The following LUZP2 variants were observed in gnomAD, a reference collection of about 807,000 sequenced individuals.
LUZP2 encodes leucine zipper protein 2.
In LUZP2, 52 loss-of-function variants were observed where a neutral mutation model predicts 51.6. The observed-to-expected ratio is 1.01, with a 90% CI of 0.81 to 1.27. The LOEUF is 1.27. Among genes scored for constraint, LUZP2 ranks in the 50% most tolerant of loss-of-function variants. LUZP2 has a pLI of 0.00. For synonymous variants in LUZP2, 154 were observed against 137.3 expected, an observed-to-expected ratio of 1.12 and a Z score of -0.85; for missense variants, 436 against 395.4, an observed-to-expected ratio of 1.10 and a Z score of -0.87.
chr11:24,713,683 G>T (rs1471619550), intron 1 of LUZP2, among the ~76,000 whole-genome samples: 44 of 89,674 alleles, frequency 4.9e-4, no homozygotes, highest in African/African-American at 6.9e-4. Flanking sequence ...GTGAGAATCT[G>T]TTTTTTTTTT....
At chr11:24,947,316 G>A (rs956298947) in intron 7 of LUZP2, among the ~76,000 whole-genome samples, 16 of 151,904 alleles carry the variant, frequency 1.1e-4, no homozygotes, top group Admixed American at 7.9e-4. Flanking sequence ...ATACTATGAG[G>A]AGGTGGAGGA....
chr11:25,050,863 A>G (rs1227425275), intron 10 of LUZP2, among the ~76,000 whole-genome samples: 1 of 152,198 alleles, frequency 6.6e-6, no homozygotes, highest in Non-Finnish European at 1.5e-5. Flanking sequence ...AGGAAGGGAG[A>G]TTCATTTCCT....
intron 5 of LUZP2, among the ~76,000 whole-genome samples, chr11:24,819,221 T>TG (rs1850284336): frequency 6.6e-6 from 1 of 151,774 alleles, no homozygotes; most frequent in Non-Finnish European, 1.5e-5. Context: ...CTGTGGAGAG[T>TG]GAGGTATAGC....
intron 5 of LUZP2, among the ~76,000 whole-genome samples, chr11:24,796,424 A>G (rs539963331): frequency 5.0e-4 from 76 of 151,910 alleles, no homozygotes; most frequent in African/African-American, 1.8e-3. Flanking sequence ...GCCTTTTTCA[A>G]TTTATATAGG....
chr11:24,923,598 G>A (rs974131136), intron 7 of LUZP2, among the ~76,000 whole-genome samples: 2 of 152,124 alleles, frequency 1.3e-5, no homozygotes, highest in East Asian at 3.9e-4. Flanking sequence ...TTGGGAGGCT[G>A]AGGCAGGAGT....
At chr11:24,616,037 T>C (rs561337687) in intron 1 of LUZP2, among the ~76,000 whole-genome samples, 97 of 151,442 alleles carry the variant, frequency 6.4e-4, no homozygotes, top group African/African-American at 2.3e-3. Context: ...TTTATTGTGG[T>C]GTTTTGAGAG....
chr11:24,706,743 T>C (rs908826947), intron 1 of LUZP2, among the ~76,000 whole-genome samples: 7 of 152,208 alleles, frequency 4.6e-5, no homozygotes, highest in African/African-American at 1.7e-4. Flanking sequence ...ATATTTCCCA[T>C]GTTCCAAGTT....
chr11:25,040,235 A>G (rs1858006369), intron 9 of LUZP2, among the ~76,000 whole-genome samples: 2 of 151,948 alleles, frequency 1.3e-5, no homozygotes, highest in African/African-American at 2.4e-5. Context: ...TCTCAAAGCA[A>G]TGACTTGCTT....
Position 25,081,773 on chromosome 11 carries a change from C to T in LUZP2, c.*3115C>T, listed in dbSNP as rs1590908296. 6.6e-6 allele frequency: 1 copy of T among 151,954 alleles called. No homozygotes were observed. The highest frequency in any genetic ancestry group is 6.6e-5 in the Admixed American group (1 of 15,256). 9.4% of individuals were successfully genotyped at this position (151,954 alleles called of 1,614,324 possible). A position where few individuals can be genotyped will look rare whatever the true frequency, so the allele number is the denominator to read the frequency against. ...TAGATAGTATAATTCTATTATGTAC[C>T]TGTAATGATAAGCATTGAAAGATTA... On this transcript the variant is annotated 3_prime_UTR_variant, in exon 12 of 12. Coordinates refer to ENST00000336930, the MANE Select transcript of LUZP2 (RefSeq NM_001009909.4).
At chr11:24,908,400 T>C (rs1360584873) in intron 6 of LUZP2, among the ~76,000 whole-genome samples, 2 of 152,180 alleles carry the variant, frequency 1.3e-5, no homozygotes, top group African/African-American at 4.8e-5. Context: ...AGCTAAAATA[T>C]CCTATCATGG....
chr11:24,523,928 C>G (rs548923466), intron 1 of LUZP2, among the ~76,000 whole-genome samples: 12 of 151,732 alleles, frequency 7.9e-5, no homozygotes, highest in Admixed American at 2.6e-4. Context: ...CTGTGTCCAG[C>G]CTCTTTGAAA....
intron 5 of LUZP2, among the ~76,000 whole-genome samples, chr11:24,830,161 G>C (rs4922699): frequency 0.77 from 117,700 of 151,936 alleles, 46,965 homozygotes; most frequent in East Asian, 0.93. Flanking sequence ...GAACTACTAT[G>C]TAAACTATCA....
chr11:24,859,614 G>A (rs954560195), intron 5 of LUZP2, among the ~76,000 whole-genome samples: 2 of 152,162 alleles, frequency 1.3e-5, no homozygotes, highest in African/African-American at 2.4e-5. Flanking sequence ...ACCATAACAA[G>A]TGTGTGAATC....
intron 9 of LUZP2, among the ~76,000 whole-genome samples, chr11:25,007,071 A>T (rs1298846375): frequency 6.6e-6 from 1 of 152,126 alleles, no homozygotes; most frequent in Admixed American, 6.6e-5. Context: ...CTTTAGCTAG[A>T]CATAGAGCAA....
chr11:24,713,023 C>G (rs918776204), intron 1 of LUZP2, among the ~76,000 whole-genome samples: 3 of 152,118 alleles, frequency 2.0e-5, no homozygotes, highest in African/African-American at 7.2e-5. Flanking sequence ...TTCTAGACAT[C>G]TTTAGTGAGG....
chr11:24,786,021 G>T, intron 5 of LUZP2: 1 of 985,244 alleles, frequency 1.0e-6, no homozygotes. Context: ...CAGAGTTGGG[G>T]CACCGAGTAC....
chr11:24,754,911 C>T (rs755684490), intron 4 of LUZP2, among the ~76,000 whole-genome samples: 36 of 152,086 alleles, frequency 2.4e-4, no homozygotes, highest in Middle Eastern at 3.2e-3. Flanking sequence ...TTTGCGGGGG[C>T]GAGGTGGGTG....
rs980771732 is a variant in LUZP2 at position 24,543,534 on chromosome 11, A to G, written c.62+46229A>G. Among the ~76,000 whole-genome samples the G allele has an allele frequency of 2.5e-4, 38 of 152,148 alleles. 1 individual carries two copies. The highest frequency in any genetic ancestry group is 8.4e-4 in the African/African-American group (35 of 41,542). ...CTTGAGACATACAGTTTGTATTGCT[A>G]TGAGCGAGGAAATAGAGACAAATGG... On this transcript the variant is annotated intron_variant, in intron 1 of 11. Coordinates refer to ENST00000336930, the MANE Select transcript of LUZP2 (RefSeq NM_001009909.4).
At chr11:24,546,830 T>C (rs1851559503) in intron 1 of LUZP2, among the ~76,000 whole-genome samples, 1 of 152,076 alleles carries the variant, frequency 6.6e-6, no homozygotes. Flanking sequence ...TTTTTTAAAA[T>C]AGTTTCAGTA....
Sources: allele counts gnomAD v4.1 joint callset (sites outside exome capture counted in the v4.1 genomes callset), GRCh38; gene constraint gnomAD v4.1.1; transcripts MANE v1.5; gene names NCBI Gene and HGNC (gene_info 2026-07-23, HGNC 2026-07-21).